Variants in MAST1 observed in about 807,000 individuals in gnomAD.
The protein encoded by MAST1 is microtubule associated serine/threonine kinase 1.
MAST1 carries 40 observed loss-of-function variants against 124.6 expected under a neutral mutation model. The observed-to-expected ratio is 0.32, with a 90% confidence interval of 0.25 to 0.42. The LOEUF is 0.42. Ranked by LOEUF, MAST1 falls within the 10% of genes least tolerant of loss-of-function variation. The pLI is 1.00. For missense variants in MAST1, 1,558 were observed against 2,181.9 expected (o/e 0.71, Z 5.70); for synonymous variants, 938 against 939.4 (o/e 1.00, Z 0.03).
chr19:12,842,841 G>A (rs1210761863), intron 3 of MAST1, among the ~76,000 whole-genome samples: 1 of 152,150 alleles, frequency 6.6e-6, no homozygotes, highest in East Asian at 1.9e-4. Context: ...GTACTGAGTG[G>A]AAGCACATGT....
Position 12,872,075 on chromosome 19 carries a change from C to T in MAST1, c.3263+903C>T, listed in dbSNP as rs577595721. 2.1e-4 allele frequency among the ~76,000 whole-genome samples: 32 copies of T among 152,148 alleles called. No individual in the cohort carries two copies. The East Asian group carries it at 5.2e-3, about 25-fold the overall frequency. On this transcript the variant is annotated intron_variant, in intron 24 of 25. Coordinates refer to ENST00000251472, the MANE Select transcript of MAST1 (RefSeq NM_014975.3). The stretch of plus-strand genomic sequence containing the variant: ...AACTGGAAAGGGAGATGTCCAGAGA[C>T]GGAGGGGGTCCAGGAGATGGTCCTA...
In MAST1 at chr19:12,840,972, C is replaced by A; in HGVS notation, c.173-19C>A. The A allele has an allele frequency of 1.1e-6, 1 of 913,080 alleles. No homozygotes were observed. The highest frequency in any genetic ancestry group is 1.9e-6 in the Non-Finnish European group (1 of 538,820). The allele number at this position is 913,080 out of a possible 1,614,324, so 56.6% of individuals were successfully genotyped here. On this transcript the variant is annotated intron_variant, in intron 2 of 25. Transcript: ENST00000251472. ...GGAACGAGAGACCTGACAGGATTTGCCCCCTCTTTCTCTCATAGGCAGCAG... is the reference window on the plus strand; with the variant it reads ...GGAACGAGAGACCTGACAGGATTTGACCCCTCTTTCTCTCATAGGCAGCAG...
At chr19:12,861,493 A>T (rs1196113351) in intron 12 of MAST1, among the ~76,000 whole-genome samples, 1 of 152,110 alleles carries the variant, frequency 6.6e-6, no homozygotes, top group Non-Finnish European at 1.5e-5. Flanking sequence ...CTCTTAGGTG[A>T]CAATTTAGAT....
chr19:12,867,722 C>T lies in MAST1; in HGVS notation c.2319-8C>T. 1 of 1,531,574 alleles carries T rather than the reference C, an allele frequency of 6.5e-7. No individual in the cohort carries two copies. 94.9% of individuals were successfully genotyped at this position (1,531,574 alleles called of 1,614,324 possible). ...CGTGTCTTCCATAACCACGCCCCCT[C>T]CATGCAGCAAGCGATTCTCCGCGTC... On this transcript the variant is annotated splice_region_variant and splice_polypyrimidine_tract_variant and intron_variant, in intron 19 of 25. Coordinates refer to ENST00000251472, the MANE Select transcript of MAST1 (RefSeq NM_014975.3).
chr19:12,870,635 A>C (rs1970220822), intron 22 of MAST1, among the ~76,000 whole-genome samples, 189 bp from the exon 23 acceptor site: 1 of 148,020 alleles, frequency 6.8e-6, no homozygotes, highest in Non-Finnish European at 1.5e-5. Context: ...ACAGCACTCC[A>C]GCCTGGGTGA....
rs368088951 is a variant in MAST1, at chr19:12,870,850, G to C, written c.3030G>C (p.Gln1010His). 7 of 1,612,792 alleles carry C rather than the reference G, an allele frequency of 4.3e-6. No individual in the cohort carries two copies. Among genetic ancestry groups the C allele is most frequent in the Middle Eastern group, 1.7e-4 (1 of 6,054 alleles). Reference sequence around the variant, plus strand: ...ATGTGGAGGAAGGAGGCCCAGCCCAGGAGGCAGGACTCTGTGCTGGGGACC... The same window carrying C: ...ATGTGGAGGAAGGAGGCCCAGCCCACGAGGCAGGACTCTGTGCTGGGGACC... Reference protein sequence around the residue: ...VWHVEEGGPAQEAGLCAGDLI... With the variant: ...VWHVEEGGPAHEAGLCAGDLI... Residue 1010 changes from glutamine (Q) to histidine (H), a missense_variant, in exon 23 of 26, where the codon CAG becomes CAC. Gln to His is a conservative substitution (Grantham distance 24). Around this residue, in one of 10 missense-constraint regions of MAST1, gnomAD observed 291 missense variants for 475.8 expected, o/e 0.61. Transcript: ENST00000251472.
At position 12,865,283 on chromosome 19, in the gene MAST1, T is replaced by C. The variant is rs1360854756; in HGVS notation, c.1639-33T>C. 6.3e-7 allele frequency: 1 copy of C among 1,578,274 alleles called. No homozygotes were observed. The highest frequency in any genetic ancestry group is 8.6e-7 in the Non-Finnish European group (1 of 1,161,788). On this transcript the variant is annotated intron_variant, in intron 14 of 25. Transcript: ENST00000251472. The surrounding 1 kb of genome is among the most constrained non-coding windows in gnomAD (Gnocchi z 7.1). ...CAGCTCTCCCTTGAGGGCCCTCCTC[T>C]GGCTGGGGCGTGGGCTGACAGCCTG...
At chr19:12,852,303 G>C in intron 9 of MAST1, 25 bp from the exon 10 acceptor site, 1 of 1,614,116 alleles carries the variant, frequency 6.2e-7, no homozygotes, top group East Asian at 2.2e-5. Context: ...AACCCAGCTC[G>C]TGCTCACTCT....
intron 12 of MAST1, among the ~76,000 whole-genome samples, chr19:12,861,789 G>A (rs1294102968): frequency 6.6e-6 from 1 of 150,378 alleles, no homozygotes. Context: ...TGCAACCTCC[G>A]CCTCCCGGGT....
chr19:12,873,256 T>C (rs185323529), intron 24 of MAST1, 68 bp from the exon 25 acceptor site: 464 of 1,516,812 alleles, frequency 3.1e-4, no homozygotes, highest in Non-Finnish European at 3.9e-4. Context: ...TGTGAGGCCG[T>C]GAAATGGGAG....
At chr19:12,854,210 G>A (rs971400784) in intron 10 of MAST1, among the ~76,000 whole-genome samples, 4 of 144,516 alleles carry the variant, frequency 2.8e-5, no homozygotes, top group East Asian at 4.3e-4. Context: ...TGCAACCTCC[G>A]CCTCCCAGGT....
Position 12,865,651 on chromosome 19 carries a change from G to A in MAST1, c.1805-66G>A, listed in dbSNP as rs935799900. On this transcript the variant is annotated intron_variant, in intron 15 of 25. Transcript: ENST00000251472. This position sits in a 1 kb window ranked among gnomAD's most constrained non-coding sequence, Gnocchi z 7.1. ...CACTGCACTCCAGCTGGGTGACACA[G>A]TGAGATCCTGTGTCCAAACAACAAC... 6.8e-7 allele frequency: 1 copy of A among 1,479,714 alleles called. No individual in the cohort carries two copies. Among genetic ancestry groups the A allele is most frequent in the African/African-American group, 1.4e-5 (1 of 70,640 alleles). The allele number at this position is 1,479,714 out of a possible 1,614,324, so 91.7% of individuals were successfully genotyped here.
Position 12,841,037 on chromosome 19 carries a change from C to A in MAST1, c.219C>A (p.Pro73=), listed in dbSNP as rs753370919. The stretch of plus-strand genomic sequence containing the variant: ...CCCGAAACTTCTCCCCCAACACCCC[C>A]GCCCACTTCTCGTTTGCCTCCTCCC... ...DSPRNFSPNT[P]AHFSFASSRR... The change falls in exon 3 of 26, where the codon CCC becomes CCA. Residue 73 remains proline, a synonymous_variant. Coordinates refer to ENST00000251472, the MANE Select transcript of MAST1 (RefSeq NM_014975.3). This position sits in a 1 kb window ranked among gnomAD's most constrained non-coding sequence, Gnocchi z 4.3. 5 of 1,546,410 alleles carry A rather than the reference C, an allele frequency of 3.2e-6. No homozygotes were observed. Among genetic ancestry groups the A allele is most frequent in the Non-Finnish European group, 4.5e-6 (5 of 1,117,952 alleles).
Position 12,866,845 on chromosome 19 carries a change from T to C in MAST1, c.2139+83T>C. On this transcript the variant is annotated intron_variant, in intron 18 of 25. Transcript: ENST00000251472. This position sits in a 1 kb window ranked among gnomAD's most constrained non-coding sequence, Gnocchi z 5.2. ...AGACAGTGAGAAACAGGTTCCCTGG[T>C]GCCCAAGGTCTCAGGAGCGGGAAGT... 1 of 1,184,140 alleles carries C rather than the reference T, an allele frequency of 8.4e-7. No individual in the cohort carries two copies. The highest frequency in any genetic ancestry group is 1.2e-6 in the Non-Finnish European group (1 of 815,448). The allele number at this position is 1,184,140 out of a possible 1,614,324, so 73.4% of individuals were successfully genotyped here.
rs115114252 is a variant in MAST1, at chr19:12,856,284, T to A, written c.1078-2078T>A. Among the ~76,000 whole-genome samples the A allele has an allele frequency of 8.2e-3, 1,246 of 151,744 alleles. 19 individuals carry two copies. Among genetic ancestry groups the A allele is most frequent in the African/African-American group, 0.028 (1,180 of 41,422 alleles). On this transcript the variant is annotated intron_variant, in intron 10 of 25. Transcript: ENST00000251472. The stretch of plus-strand genomic sequence containing the variant: ...TTGCCCTATAGCCCTGAAATATGAT[T>A]ACATAGTTTTATTTTGCCACTTTTT...
chr19:12,855,079 A>G (rs1391307488), intron 10 of MAST1, among the ~76,000 whole-genome samples: 1 of 152,014 alleles, frequency 6.6e-6, no homozygotes, highest in Non-Finnish European at 1.5e-5. Flanking sequence ...AAAAAAATAC[A>G]TAAAATTAGC....
intron 24 of MAST1, among the ~76,000 whole-genome samples, chr19:12,872,004 G>A (rs1307567633): frequency 2.6e-5 from 4 of 151,624 alleles, no homozygotes; most frequent in African/African-American, 4.8e-5. Flanking sequence ...TCAGAGAAAA[G>A]CATTGTAGGA....
chr19:12,850,421 C>T (rs1969946927), intron 7 of MAST1, among the ~76,000 whole-genome samples: 1 of 152,040 alleles, frequency 6.6e-6, no homozygotes, highest in African/African-American at 2.4e-5. Flanking sequence ...CAGGGTAAAG[C>T]AAGTAATTAT....
rs750359170 is a variant in MAST1 at position 12,865,522 on chromosome 19, C to A, written c.1804+41C>A. Reference sequence around the variant, plus strand: ...GTGTACAGGGGCAGAGTGTGGTGTGCACGGAGAGATGGACAGGCTCAGGGT... The same window carrying A: ...GTGTACAGGGGCAGAGTGTGGTGTGAACGGAGAGATGGACAGGCTCAGGGT... On this transcript the variant is annotated intron_variant, in intron 15 of 25. Coordinates refer to ENST00000251472, the MANE Select transcript of MAST1 (RefSeq NM_014975.3). This position sits in a 1 kb window ranked among gnomAD's most constrained non-coding sequence, Gnocchi z 7.1. The A allele has an allele frequency of 3.9e-6, 6 of 1,540,760 alleles. No individual in the cohort carries two copies. In the South Asian group the frequency reaches 7.6e-5, roughly 20 times the overall value.
Sources: gnomAD v4.1 joint callset for allele counts (sites outside exome capture counted in the v4.1 genomes callset) on GRCh38, gnomAD v4.1.1 for gene constraint, gnomAD v4.1.1 regional missense constraint, Gnocchi (gnomAD v3.1) non-coding constraint, MANE v1.5 for transcripts, NCBI Gene and HGNC (gene_info 2026-07-23, HGNC 2026-07-21) for gene names.